Variants in TUBGCP5 observed in about 807,000 individuals in gnomAD.
The protein encoded by TUBGCP5 is gamma-tubulin complex component 5.
A neutral mutation model predicts 134.7 loss-of-function variants in TUBGCP5; 98 were observed. The observed-to-expected ratio is 0.73, with a 90% CI of 0.62 to 0.86. TUBGCP5 has a LOEUF of 0.86. Among genes scored for constraint, TUBGCP5 ranks in the 40% least tolerant of loss-of-function variants. The pLI, the probability that TUBGCP5 is intolerant of heterozygous loss-of-function variation, is 0.00. For synonymous variants in TUBGCP5, 456 were observed against 431.4 expected, an observed-to-expected ratio of 1.06 and a Z score of -0.71; for missense variants, 1,150 against 1,244.8, an observed-to-expected ratio of 0.92 and a Z score of 1.15.
At chr15:23,037,063 A>G (rs772199282) in intron 2 of TUBGCP5, 36 bp downstream of exon 2, 7 of 1,602,314 alleles carry the variant, frequency 4.4e-6, no homozygotes, top group Admixed American at 1.7e-5. Flanking sequence ...GAAAATACAT[A>G]TATTTCTGGA....
chr15:23,030,968 T>G lies in TUBGCP5; in HGVS notation c.539A>C (p.Glu180Ala). Residue 180 changes from glutamate (E) to alanine (A), a missense_variant, in exon 6 of 23, where the codon GAG (glutamate) becomes GCG (alanine). Coordinates refer to ENST00000615383, the MANE Select transcript of TUBGCP5 (RefSeq NM_052903.6). ...CCTGTCTACCTGAATTCCAGAGTCC[T>G]CTCTGCTTAAGGGCTGTTGATCATT... ...EENDQQPLSR[E>A]DSGIQVDRTP... 1 of 1,613,528 alleles carries G rather than the reference T, an allele frequency of 6.2e-7. No individual in the cohort carries two copies. Among genetic ancestry groups the G allele is most frequent in the South Asian group, 1.1e-5 (1 of 91,020 alleles).
At chr15:23,036,418 A>G (rs2066593644) in intron 3 of TUBGCP5, among the ~76,000 whole-genome samples, 1 of 152,154 alleles carries the variant, frequency 6.6e-6, no homozygotes, top group Admixed American at 6.5e-5. Flanking sequence ...TGGTGATTTT[A>G]ATCTGTATCC....
intron 23 of TUBGCP5, among the ~76,000 whole-genome samples, chr15:22,988,339 G>A (rs1290961695): frequency 1.3e-5 from 2 of 151,940 alleles, no homozygotes; most frequent in East Asian, 3.9e-4. Flanking sequence ...TAGAATGCTG[G>A]CAGCCCCCGA....
rs539367337 is a variant in TUBGCP5, at chr15:23,032,065, A to T, written c.407-36T>A. 45 of 1,517,182 alleles carry T rather than the reference A, an allele frequency of 3.0e-5. No individual in the cohort carries two copies. The Admixed American group carries it at 7.8e-4, about 26-fold the overall frequency. 94.0% of individuals were successfully genotyped at this position (1,517,182 alleles called of 1,614,324 possible). ...ACAGAAGAACTTCATTGGCTTTATT[A>T]TATCTATCTTTGAAAAAAAACCTCA... On this transcript the variant is annotated intron_variant, in intron 4 of 22. Transcript: ENST00000615383.
At chr15:23,018,181 A>G (rs1056029791) in intron 12 of TUBGCP5, 140 bp from the exon 13 acceptor site, 5 of 740,500 alleles carry the variant, frequency 6.8e-6, no homozygotes, top group African/African-American at 1.8e-5. Context: ...AAAATGGGAC[A>G]GTTTTAATCT....
At position 23,018,039 on chromosome 15, in the gene TUBGCP5, T is replaced by C. The variant is rs1273770220; in HGVS notation, c.1490A>G (p.Asn497Ser). The part of the protein sequence containing the change: ...DGAREFIIQR[N>S]KNVPVNHRDF... ...TCTGTGATTAACTGGAACATTTTTG[T>C]TTCTAAAGAGATTCAAAAGAATTTT... Residue 497 changes from asparagine (N) to serine (S), a missense_variant and splice_region_variant, in exon 13 of 23, where the codon AAC (asparagine) becomes AGC (serine). Transcript: ENST00000615383. 1.2e-6 allele frequency: 2 copies of C among 1,601,746 alleles called. No individual in the cohort carries two copies. Among genetic ancestry groups the C allele is most frequent in the Non-Finnish European group, 1.7e-6 (2 of 1,173,316 alleles).
chr15:22,995,241 CTAAAA>C (rs1482869564), downstream of TUBGCP5, among the ~76,000 whole-genome samples: 5 of 150,914 alleles, frequency 3.3e-5, no homozygotes, highest in Non-Finnish European at 5.9e-5. Flanking sequence ...GAGAATCTGT[CTAAAA>C]TAAATAAATA....
At position 22,999,646 on chromosome 15, in the gene TUBGCP5, C is replaced by G; in HGVS notation, c.*174G>C. ...AAACTCCTGGGCTCAAGTGATCTGC[C>G]TGTCTTGGCCTCCCATCGTGCTGGG... On this transcript the variant is annotated 3_prime_UTR_variant, in exon 23 of 23. Transcript: ENST00000615383. 1 of 655,670 alleles carries G rather than the reference C, an allele frequency of 1.5e-6. No homozygotes were observed. The highest frequency in any genetic ancestry group is 1.9e-5 in the South Asian group (1 of 52,172). 40.6% of individuals were successfully genotyped at this position (655,670 alleles called of 1,614,324 possible).
intron 22 of TUBGCP5, 50 bp downstream of exon 22, chr15:23,000,519 T>TAA: frequency 6.3e-7 from 1 of 1,596,676 alleles, no homozygotes; most frequent in Non-Finnish European, 8.5e-7. Flanking sequence ...CACATACACT[T>TAA]AGTTACAAGG....
chr15:23,036,754 T>A, intron 3 of TUBGCP5, 143 bp downstream of exon 3: 1 of 659,814 alleles, frequency 1.5e-6, no homozygotes. Context: ...TTGATGGCAA[T>A]ATTTAAGTAA....
At chr15:23,018,733 A>G (rs907975545) in intron 12 of TUBGCP5, among the ~76,000 whole-genome samples, 1 of 152,190 alleles carries the variant, frequency 6.6e-6, no homozygotes, top group Non-Finnish European at 1.5e-5. Flanking sequence ...AGAAAAATCA[A>G]TTAACTGAAG....
chr15:23,003,273 T>A (rs185944280), intron 20 of TUBGCP5, 120 bp from the exon 21 acceptor site: 462 of 895,022 alleles, frequency 5.2e-4, no homozygotes, highest in South Asian at 3.5e-4. Flanking sequence ...CTGCCTTCTG[T>A]GTATATGGAA....
chr15:23,035,329 T>TTAAAAA (rs1555446188), intron 3 of TUBGCP5, among the ~76,000 whole-genome samples: 4 of 134,630 alleles, frequency 3.0e-5, no homozygotes, highest in African/African-American at 1.1e-4. Context: ...CACTCAGTCT[T>TTAAAAA]AAAAAAAAAA....
At chr15:23,005,225 G>GGGGGGCTGCT (rs1305742458) in intron 19 of TUBGCP5, among the ~76,000 whole-genome samples, 1 of 152,096 alleles carries the variant, frequency 6.6e-6, no homozygotes, top group Non-Finnish European at 1.5e-5. Flanking sequence ...CTGGACTGGA[G>GGGGGGCTGCT]GGACAACAGC....
rs764022602 is a variant in TUBGCP5 at position 23,039,426 on chromosome 15, C to G, written c.118G>C (p.Ala40Pro). The change falls in exon 1 of 23, where the codon GCC (alanine) becomes CCC (proline). Residue 40 changes from alanine (A) to proline (P), a missense_variant. Transcript: ENST00000615383. ...AAGTTGGACCAGGCGAAGTTTAGGG[C>G]GAGCTGGAAGTTGGGGTCTGCCTCG... ...QDEADPNFQLALNFAWSNFRF... is the reference protein window; with the variant it reads ...QDEADPNFQLPLNFAWSNFRF... The G allele has an allele frequency of 2.0e-6, 3 of 1,528,270 alleles. No individual in the cohort carries two copies. The East Asian group carries it at 7.8e-5, about 40-fold the overall frequency. The allele number at this position is 1,528,270 out of a possible 1,614,324, so 94.7% of individuals were successfully genotyped here. A position where few individuals can be genotyped will look rare whatever the true frequency, so the allele number is the denominator to read the frequency against.
chr15:23,022,961 T>C (rs915690143), intron 10 of TUBGCP5: 3 of 152,332 alleles, frequency 2.0e-5, no homozygotes, highest in African/African-American at 7.2e-5. Context: ...GAAACAGGTA[T>C]TCATCTACTT....
intron 6 of TUBGCP5, 43 bp from the exon 7 acceptor site, chr15:23,027,349 A>C: frequency 6.6e-7 from 1 of 1,523,736 alleles, no homozygotes; most frequent in Non-Finnish European, 9.1e-7. Flanking sequence ...ACAACAACAA[A>C]ATACTGGGTC....
intron 23 of TUBGCP5, among the ~76,000 whole-genome samples, chr15:22,992,116 C>T (rs1340107950): frequency 6.6e-6 from 1 of 152,236 alleles, no homozygotes; most frequent in Non-Finnish European, 1.5e-5. Flanking sequence ...AGTCGTACGA[C>T]CTGACAGTCT....
At chr15:22,991,193 G>A (rs1236503716) in intron 23 of TUBGCP5, among the ~76,000 whole-genome samples, 4 of 151,948 alleles carry the variant, frequency 2.6e-5, no homozygotes. Flanking sequence ...TGCCTCCCAG[G>A]CTCAAGTGAT....
Sources: gnomAD v4.1 joint callset for allele counts (sites outside exome capture counted in the v4.1 genomes callset) on GRCh38, gnomAD v4.1.1 for gene constraint, MANE v1.5 for transcripts, NCBI Gene and HGNC (gene_info 2026-07-23, HGNC 2026-07-21) for gene names.